Variants in SETD1B observed in about 807,000 individuals in gnomAD.
SETD1B encodes the protein histone-lysine N-methyltransferase SETD1B.
In SETD1B, 7 loss-of-function variants were observed where a neutral mutation model predicts 148.0. The observed-to-expected ratio is 0.05, with a 90% CI of 0.03 to 0.09. SETD1B has a LOEUF of 0.09. Ranked by LOEUF, SETD1B falls within the 10% of genes least tolerant of loss-of-function variation. The pLI, the probability that SETD1B is intolerant of heterozygous loss-of-function variation, is 1.00. For missense variants in SETD1B, 2,155 were observed against 2,729.9 expected, an observed-to-expected ratio of 0.79 and a Z score of 4.69; for synonymous variants, 1,361 against 1,186.5, an observed-to-expected ratio of 1.15 and a Z score of -3.02.
the SETD1B span, among the ~76,000 whole-genome samples, chr12:121,798,049 C>T: frequency 6.6e-6 from 1 of 152,202 alleles, no homozygotes; most frequent in Non-Finnish European, 1.5e-5. Context: ...CAGTCCCGGG[C>T]AGGGATGCCA....
chr12:121,809,045 T>C (rs1398265229), intron 5 of SETD1B, among the ~76,000 whole-genome samples: 1 of 152,094 alleles, frequency 6.6e-6, no homozygotes, highest in African/African-American at 2.4e-5. Context: ...AATTTTTATA[T>C]TTTTGGTTAG....
chr12:121,809,545 T>C (rs936698456), intron 5 of SETD1B, 58 bp from the exon 6 acceptor site: 14 of 1,472,304 alleles, frequency 9.5e-6, no homozygotes, highest in Non-Finnish European at 1.3e-5. Context: ...GAAGGGAAAA[T>C]AGCCCTGTTC....
chr12:121,792,518 G>C, the SETD1B span, among the ~76,000 whole-genome samples: 4 of 152,350 alleles, frequency 2.6e-5, no homozygotes, highest in African/African-American at 9.6e-5. Context: ...TCCTTCCTCA[G>C]TTCATTTTCT....
chr12:121,793,070 G>A, the SETD1B span: 3 of 1,200,272 alleles, frequency 2.5e-6, no homozygotes, highest in South Asian at 1.3e-5. Flanking sequence ...GCAGGGCGGG[G>A]ACACCCAGTG....
Position 121,825,256 on chromosome 12 carries a change from G to C in SETD1B, c.5227G>C (p.Val1743Leu). The change falls in exon 13 of 17, where the codon GTG (valine) becomes CTG (leucine). Residue 1743 changes from valine to leucine, a missense_variant. Val to Leu is a conservative substitution (Grantham distance 32). This residue lies in a region of SETD1B where 96 missense variants were observed against 148.7 expected (regional missense o/e 0.65). Coordinates refer to ENST00000604567, the MANE Select transcript of SETD1B (RefSeq NM_001353345.2). ...KKRDDGIREH[V>L]TGCARSEGFY... ...ACGGGACGATGGCATCCGCGAGCAC[G>C]TGACGGGCTGTGCCCGCAGTGAGGG... 3.2e-6 allele frequency: 5 copies of C among 1,551,798 alleles called. No individual in the cohort carries two copies. The highest frequency in any genetic ancestry group is 3.5e-6 in the Non-Finnish European group (4 of 1,147,046).
chr12:121,830,187 T>A lies in SETD1B; in HGVS notation c.5849T>A (p.Val1950Asp). ...TYDYKFPIEDVKIPCLCGSEN... is the reference protein window; with the variant it reads ...TYDYKFPIEDDKIPCLCGSEN... ...GACTATAAGTTCCCCATCGAGGACGTCAAGATCCCCTGCCTCTGTGGCTCC... is the reference window on the plus strand; with the variant it reads ...GACTATAAGTTCCCCATCGAGGACGACAAGATCCCCTGCCTCTGTGGCTCC... Residue 1950 changes from valine (V) to aspartate (D), a missense_variant, in exon 17 of 17, where the codon GTC (valine) becomes GAC (aspartate). Transcript: ENST00000604567. This position sits in a 1 kb window ranked among gnomAD's most constrained non-coding sequence, Gnocchi z 5.7. 1 of 1,551,448 alleles carries A rather than the reference T, an allele frequency of 6.4e-7. No individual in the cohort carries two copies. Among genetic ancestry groups the A allele is most frequent in the South Asian group, 1.2e-5 (1 of 84,058 alleles).
chr12:121,797,623 G>A, the SETD1B span: 3 of 456,338 alleles, frequency 6.6e-6, no homozygotes, highest in South Asian at 4.6e-5. Context: ...GAAACTGGCT[G>A]GAGCCCTCCA....
At position 121,832,143 on chromosome 12, in the gene SETD1B, C is replaced by A. The variant is rs1241856615; in HGVS notation, c.*1904C>A. 6.6e-6 allele frequency: 1 copy of A among 152,202 alleles called. No individual in the cohort carries two copies. Among genetic ancestry groups the A allele is most frequent in the African/African-American group, 2.4e-5 (1 of 41,432 alleles). The allele number at this position is 152,202 out of a possible 1,614,324, so 9.4% of individuals were successfully genotyped here. A position where few individuals can be genotyped will look rare whatever the true frequency, so the allele number is the denominator to read the frequency against. ...ACATGTACAGCCTCCAAAGGGCTGTCTCCATTCTGTCCCCTTCCCATAAAA... is the reference window on the plus strand; with the variant it reads ...ACATGTACAGCCTCCAAAGGGCTGTATCCATTCTGTCCCCTTCCCATAAAA... On this transcript the variant is annotated 3_prime_UTR_variant, in exon 17 of 17. Transcript: ENST00000604567.
At chr12:121,802,379 T>G (rs1300051715), upstream of SETD1B, 1 of 152,222 alleles carries the variant, frequency 6.6e-6, no homozygotes, top group Non-Finnish European at 1.5e-5. Flanking sequence ...TTTTAAAAAC[T>G]AAAAGAGTAA....
Position 121,814,123 on chromosome 12 carries a change from C to T in SETD1B, c.1908C>T (p.Gly636=), listed in dbSNP as rs753493280. Residue 636 remains glycine, a synonymous_variant, in exon 7 of 17, where the codon GGC becomes GGT. Transcript: ENST00000604567. ...CTCTGCAGGGCCAGCAGTCCTCAGG[C>T]GAGGACATGGAGATCTCGGATGACG... The part of the protein sequence containing the change: ...EKMDEGQQSS[G]EDMEISDDEM... The T allele has an allele frequency of 5.8e-6, 9 of 1,548,632 alleles. No homozygotes were observed. The highest frequency in any genetic ancestry group is 4.9e-5 in the East Asian group (2 of 40,894).
the SETD1B span, chr12:121,794,066 C>A: frequency 6.9e-3 from 1,128 of 163,104 alleles, no homozygotes; most frequent in Non-Finnish European, 0.011. Context: ...TGCCTCCGCA[C>A]CGGGTTCGAG....
chr12:121,812,282 C>T (rs2137556506), intron 6 of SETD1B, among the ~76,000 whole-genome samples: 1 of 152,330 alleles, frequency 6.6e-6, no homozygotes, highest in South Asian at 2.1e-4. Flanking sequence ...GGCTTTTCTT[C>T]TAAACAGTGG....
chr12:121,797,541 C>T, the SETD1B span: 4 of 456,466 alleles, frequency 8.8e-6, no homozygotes, highest in African/African-American at 8.0e-5. Context: ...TGGGTCCCGA[C>T]ACCGTGCCGA....
chr12:121,801,230 G>C (rs1360130442), upstream of SETD1B: 1 of 152,266 alleles, frequency 6.6e-6, no homozygotes, highest in Admixed American at 6.5e-5. Context: ...TGGGCGATGA[G>C]GCTCCCTAGT....
At chr12:121,793,067 G>A in the SETD1B span, 1 of 1,168,066 alleles carries the variant, frequency 8.6e-7, no homozygotes, top group Non-Finnish European at 1.2e-6. Context: ...GCTGCAGGGC[G>A]GGGACACCCA....
At chr12:121,820,450 T>C (rs1876514469) in intron 11 of SETD1B, among the ~76,000 whole-genome samples, 1 of 152,260 alleles carries the variant, frequency 6.6e-6, no homozygotes, top group South Asian at 2.1e-4. Context: ...AGTGGCACAG[T>C]GGAACTGAAT....
At position 121,810,452 on chromosome 12, in the gene SETD1B, A is replaced by G. The variant is rs1232038809; in HGVS notation, c.1507A>G (p.Ile503Val). 1.3e-6 allele frequency: 2 copies of G among 1,548,924 alleles called. No individual in the cohort carries two copies. The highest frequency in any genetic ancestry group is 1.7e-6 in the Non-Finnish European group (2 of 1,147,104). Reference sequence around the variant, plus strand: ...ACCCCACGACAGCCTGGACTCGCGCATCGAGATGCTGCTGAAGGAGCAGCG... The same window carrying G: ...ACCCCACGACAGCCTGGACTCGCGCGTCGAGATGCTGCTGAAGGAGCAGCG... ...EKPHDSLDSR[I>V]EMLLKEQRTK... The change falls in exon 6 of 17, where the codon ATC becomes GTC. Residue 503 changes from isoleucine to valine, a missense_variant. Transcript: ENST00000604567. This position sits in a 1 kb window ranked among gnomAD's most constrained non-coding sequence, Gnocchi z 7.6.
Position 121,808,924 on chromosome 12 carries a change from C to T in SETD1B, c.657+604C>T, listed in dbSNP as rs1326188047. On this transcript the variant is annotated intron_variant, in intron 5 of 16. Coordinates refer to ENST00000604567, the MANE Select transcript of SETD1B (RefSeq NM_001353345.2). This position sits in a 1 kb window ranked among gnomAD's most constrained non-coding sequence, Gnocchi z 5.3. ...CTCAGTCTGTCCCCAGGCTGGAGTGCAGTGGTGCGATCTCAGCTCACTGCA... is the reference window on the plus strand; with the variant it reads ...CTCAGTCTGTCCCCAGGCTGGAGTGTAGTGGTGCGATCTCAGCTCACTGCA... Among the ~76,000 whole-genome samples the T allele has an allele frequency of 6.6e-6, 1 of 152,174 alleles. No individual in the cohort carries two copies. Among genetic ancestry groups the T allele is most frequent in the East Asian group, 1.9e-4 (1 of 5,204 alleles).
Position 121,804,497 on chromosome 12 carries a change from C to T in SETD1B, c.-14-227C>T, listed in dbSNP as rs1176615840. Among the ~76,000 whole-genome samples, 3 of 151,210 alleles carry T rather than the reference C, an allele frequency of 2.0e-5. No individual in the cohort carries two copies. Among genetic ancestry groups the T allele is most frequent in the East Asian group, 2.0e-4 (1 of 5,120 alleles). On this transcript the variant is annotated intron_variant, in intron 1 of 16. Transcript: ENST00000604567. The surrounding 1 kb of genome is among the most constrained non-coding windows in gnomAD (Gnocchi z 4.6). ...CCAGGGGACCCCCGGGAGCCCCTCG[C>T]TGCCGCCCCGAGACGGTGGCCGAGC...
Sources: gnomAD v4.1 joint callset for allele counts (sites outside exome capture counted in the v4.1 genomes callset) on GRCh38, gnomAD v4.1.1 for gene constraint, gnomAD v4.1.1 regional missense constraint, Gnocchi (gnomAD v3.1) non-coding constraint, MANE v1.5 for transcripts, NCBI Gene and HGNC (gene_info 2026-07-23, HGNC 2026-07-21) for gene names.